RNF217: variants seen among roughly 807,000 people sequenced by gnomAD.
The protein encoded by RNF217 is E3 ubiquitin-protein ligase RNF217.
In RNF217, 31 loss-of-function variants were observed where a neutral mutation model predicts 57.8. The ratio of observed to expected loss-of-function variants is 0.54; its 90% confidence interval spans 0.40 to 0.72. The LOEUF is 0.72. Among genes scored for constraint, RNF217 ranks in the 30% least tolerant of loss-of-function variants. RNF217 has a pLI of 0.00. For synonymous variants in RNF217, 313 were observed against 294.0 expected (o/e 1.06, Z -0.66); for missense variants, 696 against 708.3 (o/e 0.98, Z 0.20).
intron 1 of RNF217, among the ~76,000 whole-genome samples, chr6:125,015,888 G>A (rs1785583124): frequency 6.6e-6 from 1 of 152,052 alleles, no homozygotes; most frequent in African/African-American, 2.4e-5. Flanking sequence ...TATATTCATA[G>A]GATAGAATAT....
intron 1 of RNF217, among the ~76,000 whole-genome samples, chr6:125,019,281 T>C (rs953335930): frequency 2.0e-5 from 3 of 152,194 alleles, no homozygotes; most frequent in Admixed American, 6.5e-5. Flanking sequence ...ATTACCTTAA[T>C]GTTTCCAAAT....
At chr6:124,982,902 A>T (rs1451306332) in intron 1 of RNF217, among the ~76,000 whole-genome samples, 1 of 152,222 alleles carries the variant, frequency 6.6e-6, no homozygotes, top group Non-Finnish European at 1.5e-5. Flanking sequence ...ACCTTTGATG[A>T]GTACATTGAA....
intron 1 of RNF217, among the ~76,000 whole-genome samples, chr6:125,002,457 TC>T (rs1442304135): frequency 1.3e-5 from 2 of 152,294 alleles, no homozygotes; most frequent in East Asian, 3.9e-4. Flanking sequence ...ATCCCCATCT[TC>T]CCTTGAGACT....
At chr6:125,023,997 C>G (rs1785962589) in intron 1 of RNF217, among the ~76,000 whole-genome samples, 1 of 152,068 alleles carries the variant, frequency 6.6e-6, no homozygotes, top group African/African-American at 2.4e-5. Context: ...TTCAAGCAAC[C>G]TATTGTACAG....
intron 3 of RNF217, among the ~76,000 whole-genome samples, chr6:125,072,305 T>C (rs1223306560): frequency 6.6e-6 from 1 of 152,140 alleles, no homozygotes; most frequent in East Asian, 1.9e-4. Flanking sequence ...TACTTGACAG[T>C]TGGTAAATGA....
At chr6:125,071,832 T>C (rs1034822728) in intron 3 of RNF217, among the ~76,000 whole-genome samples, 1 of 152,186 alleles carries the variant, frequency 6.6e-6, no homozygotes. Context: ...TGGCCAGTTT[T>C]ATCTAATGGA....
intron 1 of RNF217, among the ~76,000 whole-genome samples, chr6:125,014,213 A>T (rs1785522248): frequency 6.6e-6 from 1 of 152,164 alleles, no homozygotes; most frequent in Non-Finnish European, 1.5e-5. Flanking sequence ...AAGCTCTTGC[A>T]TGCCTTTATC....
chr6:125,058,937 A>G (rs999192486), intron 3 of RNF217, among the ~76,000 whole-genome samples: 15 of 152,314 alleles, frequency 9.8e-5, no homozygotes, highest in African/African-American at 2.6e-4. Context: ...TGGCCTAATT[A>G]TCTTTTAAGC....
intron 1 of RNF217, among the ~76,000 whole-genome samples, chr6:124,997,248 G>C (rs938855569): frequency 3.3e-5 from 5 of 152,120 alleles, no homozygotes; most frequent in Non-Finnish European, 5.9e-5. Context: ...CCATGTATTT[G>C]CATGTATGGC....
intron 1 of RNF217, among the ~76,000 whole-genome samples, chr6:124,983,001 T>C (rs968853764): frequency 2.6e-5 from 4 of 152,170 alleles, no homozygotes; most frequent in African/African-American, 9.7e-5. Flanking sequence ...GAAGCACATA[T>C]AGGTGTCACA....
chr6:125,044,871 G>C (rs1787035442), intron 1 of RNF217, among the ~76,000 whole-genome samples: 1 of 152,050 alleles, frequency 6.6e-6, no homozygotes, highest in Non-Finnish European at 1.5e-5. Context: ...TGCAGTTGGT[G>C]CATCATCTGA....
intron 1 of RNF217, among the ~76,000 whole-genome samples, chr6:124,987,486 G>A (rs1431308901): frequency 3.3e-5 from 5 of 152,112 alleles, no homozygotes; most frequent in Non-Finnish European, 7.3e-5. Flanking sequence ...CATGCAATAT[G>A]TGGTCTTTTG....
intron 2 of RNF217, among the ~76,000 whole-genome samples, chr6:125,056,336 A>T (rs528355932): frequency 6.6e-6 from 1 of 152,298 alleles, no homozygotes; most frequent in South Asian, 2.1e-4. Context: ...ACCTTCCAGC[A>T]TTATTTTGAG....
chr6:124,997,511 G>A (rs1784798723), intron 1 of RNF217, among the ~76,000 whole-genome samples: 1 of 152,172 alleles, frequency 6.6e-6, no homozygotes, highest in Non-Finnish European at 1.5e-5. Flanking sequence ...TCCGAAAAAT[G>A]TTCACTCATA....
At position 125,041,286 on chromosome 6, in the gene RNF217, T is replaced by C. The variant is rs963702309; in HGVS notation, c.883-3925T>C. On this transcript the variant is annotated intron_variant, in intron 1 of 5. Coordinates refer to ENST00000521654, the MANE Select transcript of RNF217 (RefSeq NM_001286398.3). ...TCTCAGTCATCTATCATCTACTGCC[T>C]GTAACAGCTAGACATCACTTGTGGG... Among the ~76,000 whole-genome samples, 3 of 152,102 alleles carry C rather than the reference T, an allele frequency of 2.0e-5. No individual in the cohort carries two copies. In the East Asian group the frequency reaches 5.8e-4, roughly 29 times the overall value.
intron 1 of RNF217, among the ~76,000 whole-genome samples, chr6:124,996,926 T>G (rs1038812446): frequency 3.3e-5 from 5 of 152,190 alleles, no homozygotes; most frequent in African/African-American, 4.8e-5. Context: ...TGATCCGTAT[T>G]TTCTTTAAAT....
chr6:125,073,458 A>T (rs549833085), intron 3 of RNF217, among the ~76,000 whole-genome samples: 4 of 152,276 alleles, frequency 2.6e-5, no homozygotes, highest in Admixed American at 6.5e-5. Flanking sequence ...TTAAAGAAGG[A>T]TTCTCAAATT....
intron 1 of RNF217, among the ~76,000 whole-genome samples, chr6:124,978,751 CT>C (rs537506163): frequency 3.0e-4 from 45 of 152,292 alleles, no homozygotes; most frequent in Middle Eastern, 6.8e-3. Flanking sequence ...TTTGTTCTCA[CT>C]GCCCACAGCT....
chr6:124,994,165 T>A lies in RNF217; in HGVS notation c.882+30739T>A, dbSNP rs189699414. On this transcript the variant is annotated intron_variant, in intron 1 of 5. Transcript: ENST00000521654. ...TGTATATAAGGGATGTGTGTGTATC[T>A]TTTTGTTTTATAAATGTTTAAACAT... Among the ~76,000 whole-genome samples the A allele has an allele frequency of 2.2e-3, 332 of 152,304 alleles. 2 individuals carry two copies. The highest frequency in any genetic ancestry group is 7.6e-3 in the African/African-American group (316 of 41,570).
Sources: gnomAD v4.1 joint callset for allele counts (sites outside exome capture counted in the v4.1 genomes callset) on GRCh38, gnomAD v4.1.1 for gene constraint, MANE v1.5 for transcripts, NCBI Gene and HGNC (gene_info 2026-07-23, HGNC 2026-07-21) for gene names.